The following DENND1B variants were observed in gnomAD, a reference collection of about 807,000 sequenced individuals.
DENND1B encodes the protein DENN domain containing 1B.
In DENND1B, 59 loss-of-function variants were observed where a neutral mutation model predicts 90.1. The ratio of observed to expected loss-of-function variants is 0.65; its 90% confidence interval spans 0.53 to 0.81. The LOEUF is 0.81. DENND1B is among the 40% of genes least tolerant of loss of function. The pLI, the probability that DENND1B is intolerant of heterozygous loss-of-function variation, is 0.00. For missense variants in DENND1B, 862 were observed against 912.6 expected (o/e 0.94, Z 0.71); for synonymous variants, 337 against 324.6 (o/e 1.04, Z -0.41).
At chr1:197,707,876 G>C (rs1454375537) in intron 3 of DENND1B, among the ~76,000 whole-genome samples, 3 of 148,854 alleles carry the variant, frequency 2.0e-5, no homozygotes, top group South Asian at 2.1e-4. Flanking sequence ...TGTGCGCACC[G>C]TGCGCGAGCC....
chr1:197,702,528 A>T (rs1237134961), intron 3 of DENND1B, among the ~76,000 whole-genome samples: 1 of 152,218 alleles, frequency 6.6e-6, no homozygotes, highest in Non-Finnish European at 1.5e-5. Context: ...CAAAATCTTT[A>T]GGTAACCAAA....
Position 197,508,101 on chromosome 1 carries a change from T to G in DENND1B, c.*2359A>C, listed in dbSNP as rs1667810474. ...AACAAAATTTGGATTTCTGAAGCCGTGATGTTGATAAAGCAAATGGACTAA... is the reference window on the plus strand; with the variant it reads ...AACAAAATTTGGATTTCTGAAGCCGGGATGTTGATAAAGCAAATGGACTAA... On this transcript the variant is annotated 3_prime_UTR_variant, in exon 23 of 23. Coordinates refer to ENST00000620048, the MANE Select transcript of DENND1B (RefSeq NM_001195215.2). 6.6e-6 allele frequency: 1 copy of G among 151,498 alleles called. No homozygotes were observed. Among genetic ancestry groups the G allele is most frequent in the Non-Finnish European group, 1.5e-5 (1 of 67,694 alleles). 9.4% of individuals were successfully genotyped at this position (151,498 alleles called of 1,614,324 possible).
Position 197,775,170 on chromosome 1 carries a change from G to T in DENND1B, c.-15C>A. The T allele has an allele frequency of 1.6e-6, 2 of 1,289,950 alleles. No individual in the cohort carries two copies. Among genetic ancestry groups the T allele is most frequent in the Non-Finnish European group, 2.0e-6 (2 of 1,011,982 alleles). 79.9% of individuals were successfully genotyped at this position (1,289,950 alleles called of 1,614,324 possible). On this transcript the variant is annotated 5_prime_UTR_variant, in exon 1 of 23. Coordinates refer to ENST00000620048, the MANE Select transcript of DENND1B (RefSeq NM_001195215.2). ...CTGCAGTCCATGGTTACATGTCGGT[G>T]TGGGGCTGTCCGTCCGGCCCCCGCG... is the stretch of plus-strand genomic sequence containing the variant.
intron 2 of DENND1B, among the ~76,000 whole-genome samples, chr1:197,770,419 A>G (rs1313059984): frequency 6.6e-6 from 1 of 152,006 alleles, no homozygotes; most frequent in Non-Finnish European, 1.5e-5. Context: ...GGAAAAGAGC[A>G]AAAAGAGGAA....
intron 13 of DENND1B, among the ~76,000 whole-genome samples, chr1:197,597,371 C>T (rs1675797875): frequency 6.6e-6 from 1 of 151,254 alleles, no homozygotes; most frequent in South Asian, 2.1e-4. Flanking sequence ...TGATTCCAGT[C>T]TTTTTAAAGT....
At chr1:197,767,189 A>C (rs114561561) in intron 2 of DENND1B, among the ~76,000 whole-genome samples, 1,672 of 152,098 alleles carry the variant, frequency 0.011, 33 homozygotes, top group African/African-American at 0.038. Flanking sequence ...CTGGTTCATG[A>C]AGAACTTACC....
chr1:197,733,282 A>C (rs766113223), intron 2 of DENND1B, among the ~76,000 whole-genome samples: 4 of 152,198 alleles, frequency 2.6e-5, no homozygotes, highest in African/African-American at 9.7e-5. Flanking sequence ...ACAAAAAAAA[A>C]TTAGAAATAT....
intron 11 of DENND1B, among the ~76,000 whole-genome samples, chr1:197,616,586 G>A (rs1185891781): frequency 6.6e-6 from 1 of 151,068 alleles, no homozygotes; most frequent in Non-Finnish European, 1.5e-5. Flanking sequence ...TAATCAATAT[G>A]TGGCCAAGTA....
intron 14 of DENND1B, among the ~76,000 whole-genome samples, chr1:197,588,578 A>T (rs1674914951): frequency 6.6e-6 from 1 of 152,162 alleles, no homozygotes; most frequent in South Asian, 2.1e-4. Context: ...TTACAAAAGG[A>T]GTATAAACAA....
chr1:197,558,456 G>A (rs967125855), intron 15 of DENND1B, among the ~76,000 whole-genome samples: 3 of 151,522 alleles, frequency 2.0e-5, no homozygotes, highest in East Asian at 1.9e-4. Flanking sequence ...TTTTGCTTTC[G>A]GAGATGACAA....
At chr1:197,698,497 A>G (rs1463749443) in intron 3 of DENND1B, among the ~76,000 whole-genome samples, 1 of 152,110 alleles carries the variant, frequency 6.6e-6, no homozygotes, top group Non-Finnish European at 1.5e-5. Context: ...CATCACAATT[A>G]AAAGAGCTAG....
chr1:197,686,545 A>C (rs1312009423), intron 3 of DENND1B, among the ~76,000 whole-genome samples: 1 of 152,112 alleles, frequency 6.6e-6, no homozygotes, highest in Non-Finnish European at 1.5e-5. Context: ...CTTTTCTACA[A>C]TGTGTGACAC....
chr1:197,578,014 CA>C (rs1384399879), intron 15 of DENND1B, among the ~76,000 whole-genome samples: 1 of 151,988 alleles, frequency 6.6e-6, no homozygotes, highest in African/African-American at 2.4e-5. Context: ...TAAATATTAA[CA>C]GTTTAAATAA....
intron 13 of DENND1B, among the ~76,000 whole-genome samples, chr1:197,601,785 CA>C (rs1408517460): frequency 2.6e-5 from 4 of 151,514 alleles, no homozygotes; most frequent in Non-Finnish European, 4.4e-5. Context: ...GAGAAACTAA[CA>C]AAAATATTTT....
chr1:197,557,987 T>C (rs1363486793), intron 15 of DENND1B, among the ~76,000 whole-genome samples: 1 of 151,922 alleles, frequency 6.6e-6, no homozygotes, highest in Non-Finnish European at 1.5e-5. Flanking sequence ...CTATTTCATT[T>C]AGTAAACACA....
Position 197,583,212 on chromosome 1 carries a change from G to A in DENND1B, c.1089C>T (p.His363=). 3 of 1,613,830 alleles carry A rather than the reference G, an allele frequency of 1.9e-6. No individual in the cohort carries two copies. Among genetic ancestry groups the A allele is most frequent in the Non-Finnish European group, 2.5e-6 (3 of 1,179,822 alleles). Residue 363 remains histidine, a synonymous_variant, in exon 15 of 23, where the codon CAC becomes CAT. Transcript: ENST00000620048. ...GGAACTGTTTCATCACGCTTGAGCG[G>A]TGCTTTACAAAACTCTCCTCACAGA... ...ITFCEESFVK[H]RSSVMKQFLE...
intron 12 of DENND1B, 114 bp from the exon 13 acceptor site, chr1:197,607,288 A>G: frequency 1.6e-6 from 1 of 621,012 alleles, no homozygotes; most frequent in Non-Finnish European, 2.5e-6. Context: ...AAAAGAAAAA[A>G]GGAAAATCCT....
At position 197,619,041 on chromosome 1, in the gene DENND1B, T is replaced by C. The variant is rs562147046; in HGVS notation, c.673-1282A>G. On this transcript the variant is annotated intron_variant, in intron 10 of 22. Transcript: ENST00000620048. Reference sequence around the variant, plus strand: ...ATATGCATCTTTGCCATATGTATTATATTTTTTCCAGTCATGTTTTTAATC... The same window carrying C: ...ATATGCATCTTTGCCATATGTATTACATTTTTTCCAGTCATGTTTTTAATC... Among the ~76,000 whole-genome samples, 13 of 151,384 alleles carry C rather than the reference T, an allele frequency of 8.6e-5. No individual in the cohort carries two copies. In the South Asian group the frequency reaches 1.7e-3, roughly 19 times the overall value.
chr1:197,730,408 T>G (rs868821009), intron 2 of DENND1B, among the ~76,000 whole-genome samples: 2 of 152,100 alleles, frequency 1.3e-5, no homozygotes, highest in Middle Eastern at 3.2e-3. Context: ...GTGGGCCCAG[T>G]GTTGACAGAT....
Sources: gnomAD v4.1 joint callset for allele counts (sites outside exome capture counted in the v4.1 genomes callset) on GRCh38, gnomAD v4.1.1 for gene constraint, MANE v1.5 for transcripts, NCBI Gene and HGNC (gene_info 2026-07-23, HGNC 2026-07-21) for gene names.